The following SNTG2 variants were observed in gnomAD, a reference collection of about 807,000 sequenced individuals.
SNTG2 encodes syntrophin gamma 2, also known as gamma-2-syntrophin.
In SNTG2, 74 loss-of-function variants were observed where a neutral mutation model predicts 70.9. The observed-to-expected ratio is 1.04, with a 90% CI of 0.86 to 1.27. The LOEUF is 1.27. Ranked by LOEUF, SNTG2 falls within the 50% of genes most tolerant of loss-of-function variation. SNTG2 has a pLI of 0.00. For missense variants in SNTG2, 717 were observed against 690.7 expected (o/e 1.04, Z -0.43); for synonymous variants, 278 against 273.8 (o/e 1.02, Z -0.15).
chr2:1,197,949 A>AG (rs35727128), intron 8 of SNTG2, among the ~76,000 whole-genome samples: 84,607 of 151,920 alleles, frequency 0.56, 24,797 homozygotes, highest in East Asian at 0.75. Flanking sequence ...CAGATTATCT[A>AG]AAAGAAAATC....
At chr2:1,202,857 A>G (rs184699815) in intron 8 of SNTG2, among the ~76,000 whole-genome samples, 2 of 152,360 alleles carry the variant, frequency 1.3e-5, no homozygotes, top group Admixed American at 6.5e-5. Flanking sequence ...TGAGTTCATC[A>G]GGAAAACATA....
intron 9 of SNTG2, among the ~76,000 whole-genome samples, chr2:1,231,494 G>A (rs532884705): frequency 2.6e-4 from 39 of 152,230 alleles, no homozygotes; most frequent in Non-Finnish European, 4.3e-4. Context: ...GCCCCGCAGT[G>A]TGGGTATGAA....
chr2:1,170,577 A>G (rs1026756190), intron 7 of SNTG2, among the ~76,000 whole-genome samples: 2 of 151,986 alleles, frequency 1.3e-5, no homozygotes, highest in African/African-American at 4.8e-5. Context: ...AATCCCGCAC[A>G]AAGATGCCTT....
chr2:990,960 A>G (rs1431358286), intron 1 of SNTG2, among the ~76,000 whole-genome samples: 1 of 152,090 alleles, frequency 6.6e-6, no homozygotes, highest in Non-Finnish European at 1.5e-5. Flanking sequence ...TTAAAGGGAA[A>G]TCTGGATGCT....
chr2:971,509 G>A (rs963903706), intron 1 of SNTG2, among the ~76,000 whole-genome samples: 1 of 151,554 alleles, frequency 6.6e-6, no homozygotes, highest in African/African-American at 2.4e-5. Flanking sequence ...TGTCTTTTTT[G>A]TCATTTCTGA....
rs1459838690 is a variant in SNTG2 at position 1,272,304 on chromosome 2, C to T, written c.1284+4733C>T. 6.0e-5 allele frequency among the ~76,000 whole-genome samples: 9 copies of T among 151,070 alleles called. No individual in the cohort carries two copies. The East Asian group carries it at 1.2e-3, about 20-fold the overall frequency. On this transcript the variant is annotated intron_variant, in intron 14 of 16. Coordinates refer to ENST00000308624, the MANE Select transcript of SNTG2 (RefSeq NM_018968.4). Reference sequence around the variant, plus strand: ...TAGGTTCTCATAAGGAGTGTGCCACCGAGATCCCTCACAGGTGCAGTTCAC... The same window carrying T: ...TAGGTTCTCATAAGGAGTGTGCCACTGAGATCCCTCACAGGTGCAGTTCAC...
intron 12 of SNTG2, among the ~76,000 whole-genome samples, chr2:1,252,532 C>T (rs1394367394): frequency 6.6e-6 from 1 of 152,138 alleles, no homozygotes; most frequent in African/African-American, 2.4e-5. Context: ...ATTTGGTTTC[C>T]ATGGACCTGG....
intron 14 of SNTG2, among the ~76,000 whole-genome samples, chr2:1,268,987 G>A (rs1678886383): frequency 6.6e-6 from 1 of 152,158 alleles, no homozygotes; most frequent in South Asian, 2.1e-4. Context: ...ACTCATCTAT[G>A]GGAAGGTGAC....
intron 1 of SNTG2, among the ~76,000 whole-genome samples, chr2:962,769 G>C (rs548311355): frequency 9.9e-5 from 15 of 152,248 alleles, no homozygotes; most frequent in African/African-American, 1.9e-4. Context: ...CTGTGTAAAG[G>C]AGATATGGTG....
chr2:1,214,835 G>A (rs1674276215), intron 9 of SNTG2, among the ~76,000 whole-genome samples: 1 of 152,156 alleles, frequency 6.6e-6, no homozygotes, highest in Admixed American at 6.5e-5. Context: ...AAACCTTTCA[G>A]CTTTTCATCA....
At chr2:1,281,158 G>C (rs1679494043) in intron 14 of SNTG2, among the ~76,000 whole-genome samples, 1 of 151,530 alleles carries the variant, frequency 6.6e-6, no homozygotes, top group African/African-American at 2.4e-5. Flanking sequence ...TTGGAGGCTG[G>C]GTAACTGTGT....
At chr2:999,632 G>A (rs569684290) in intron 1 of SNTG2, among the ~76,000 whole-genome samples, 36 of 152,038 alleles carry the variant, frequency 2.4e-4, no homozygotes, top group Non-Finnish European at 4.4e-4. Flanking sequence ...GGATCACCTA[G>A]ATTCATAAAA....
At chr2:1,204,790 G>A (rs994042569) in intron 8 of SNTG2, among the ~76,000 whole-genome samples, 1 of 152,264 alleles carries the variant, frequency 6.6e-6, no homozygotes, top group East Asian at 1.9e-4. Flanking sequence ...AAAAAGCATA[G>A]TATATAACTA....
chr2:1,050,163 T>G (rs922963550), intron 1 of SNTG2, among the ~76,000 whole-genome samples: 1 of 152,216 alleles, frequency 6.6e-6, no homozygotes, highest in Non-Finnish European at 1.5e-5. Flanking sequence ...TTTACTCTCT[T>G]GGTAATATTC....
At chr2:1,080,618 ATGTG>A (rs1050542060) in intron 1 of SNTG2, among the ~76,000 whole-genome samples, 1 of 127,204 alleles carries the variant, frequency 7.9e-6, no homozygotes, top group Non-Finnish European at 1.6e-5. Flanking sequence ...TGTGTGTTGC[ATGTG>A]TGTGTGTGTC....
chr2:1,317,335 T>C lies in SNTG2; in HGVS notation c.1488+960T>C, dbSNP rs1245639296. Among the ~76,000 whole-genome samples, 30 of 89,448 alleles carry C rather than the reference T, an allele frequency of 3.4e-4. 3 individuals carry two copies. The highest frequency in any genetic ancestry group is 3.3e-4 in the Non-Finnish European group (14 of 41,908). The allele number at this position is 89,448 out of a possible 152,430, so 58.7% of individuals were successfully genotyped here. A position where few individuals can be genotyped will look rare whatever the true frequency, so the allele number is the denominator to read the frequency against. ...AGCATCAGGCCAGCATTGGAGAAGG[T>C]TGGGATTCTGGAACATTTAGCATGA... is the stretch of plus-strand genomic sequence containing the variant. On this transcript the variant is annotated intron_variant, in intron 16 of 16. Coordinates refer to ENST00000308624, the MANE Select transcript of SNTG2 (RefSeq NM_018968.4).
At chr2:1,088,309 T>C (rs7578498) in intron 2 of SNTG2, among the ~76,000 whole-genome samples, 21,365 of 152,190 alleles carry the variant, frequency 0.14, 1,703 homozygotes, top group Middle Eastern at 0.2. Context: ...TCTGTTTCTT[T>C]CCAGTTTCTG....
intron 16 of SNTG2, among the ~76,000 whole-genome samples, chr2:1,329,077 A>G (rs989502048): frequency 1.4e-4 from 22 of 152,192 alleles, no homozygotes; most frequent in African/African-American, 5.1e-4. Context: ...ATTAGCAAAC[A>G]TTCCTGGTTT....
chr2:977,636 C>T (rs1034465134), intron 1 of SNTG2, among the ~76,000 whole-genome samples: 2 of 152,176 alleles, frequency 1.3e-5, no homozygotes, highest in African/African-American at 4.8e-5. Context: ...AGTCGTAAGT[C>T]AGGTCTCATC....
Sources: allele counts gnomAD v4.1 joint callset (sites outside exome capture counted in the v4.1 genomes callset), GRCh38; gene constraint gnomAD v4.1.1; transcripts MANE v1.5; gene names NCBI Gene and HGNC (gene_info 2026-07-23, HGNC 2026-07-21).